ST6GALNAC3: variants seen among roughly 807,000 people sequenced by gnomAD.
The protein encoded by ST6GALNAC3 is alpha-N-acetylgalactosaminide alpha-2,6-sialyltransferase 3.
ST6GALNAC3 carries 25 observed loss-of-function variants against 32.7 expected under a neutral mutation model. The ratio of observed to expected loss-of-function variants is 0.76; its 90% CI spans 0.56 to 1.07. ST6GALNAC3 has a LOEUF of 1.07. ST6GALNAC3 is among the 50% of genes least tolerant of loss of function. The pLI, the probability that ST6GALNAC3 is intolerant of heterozygous loss-of-function variation, is 0.00. For synonymous variants in ST6GALNAC3, 129 were observed against 133.1 expected, an observed-to-expected ratio of 0.97 and a Z score of 0.21; for missense variants, 355 against 382.4, an observed-to-expected ratio of 0.93 and a Z score of 0.60.
In ST6GALNAC3 at chr1:76,095,184, T is replaced by C. The variant is rs923257662; in HGVS notation, c.18+20300T>C. ...ACCTCTTTGGACCTTAGAGACAAAC[T>C]GGGCATAGTAATCATATCTGCTGTA... On this transcript the variant is annotated intron_variant, in intron 1 of 4. Coordinates refer to ENST00000328299, the MANE Select transcript of ST6GALNAC3 (RefSeq NM_152996.4). Among the ~76,000 whole-genome samples, 8 of 152,222 alleles carry C rather than the reference T, an allele frequency of 5.3e-5. No individual in the cohort carries two copies. In the East Asian group the frequency reaches 1.5e-3, roughly 29 times the overall value.
chr1:76,242,683 T>G (rs1657036490), intron 1 of ST6GALNAC3, among the ~76,000 whole-genome samples: 1 of 152,146 alleles, frequency 6.6e-6, no homozygotes, highest in African/African-American at 2.4e-5. Flanking sequence ...TCACTCCCAC[T>G]TATGAGTGAG....
chr1:76,440,489 A>G (rs1308496315), intron 3 of ST6GALNAC3, among the ~76,000 whole-genome samples: 1 of 152,202 alleles, frequency 6.6e-6, no homozygotes, highest in African/African-American at 2.4e-5. Flanking sequence ...AGGATTTGAA[A>G]GCAGAGATTA....
chr1:76,564,702 C>G (rs1361242207), intron 3 of ST6GALNAC3, among the ~76,000 whole-genome samples: 1 of 151,456 alleles, frequency 6.6e-6, no homozygotes, highest in African/African-American at 2.4e-5. Context: ...TCTCCTGCCT[C>G]AGCCTCCCAA....
intron 3 of ST6GALNAC3, among the ~76,000 whole-genome samples, chr1:76,506,715 T>TAGTG (rs1661500162): frequency 6.6e-6 from 1 of 152,194 alleles, no homozygotes; most frequent in African/African-American, 2.4e-5. Context: ...GTGCCTTGGC[T>TAGTG]AGTGAAAAGA....
intron 2 of ST6GALNAC3, among the ~76,000 whole-genome samples, chr1:76,377,347 G>A (rs1651317083): frequency 6.6e-6 from 1 of 152,118 alleles, no homozygotes. Flanking sequence ...GAAGAAAGAA[G>A]GTTTAATTGA....
At chr1:76,226,385 G>A (rs1656072632) in intron 1 of ST6GALNAC3, among the ~76,000 whole-genome samples, 1 of 152,196 alleles carries the variant, frequency 6.6e-6, no homozygotes, top group Non-Finnish European at 1.5e-5. Context: ...TCTAGTTGGA[G>A]TAACCTGTTT....
At chr1:76,159,736 A>G (rs1449419410) in intron 1 of ST6GALNAC3, among the ~76,000 whole-genome samples, 9 of 152,232 alleles carry the variant, frequency 5.9e-5, no homozygotes, top group Admixed American at 5.2e-4. Context: ...ACACAACATA[A>G]TGTCTGAAAG....
At chr1:76,438,702 C>T (rs1656340425) in intron 3 of ST6GALNAC3, among the ~76,000 whole-genome samples, 1 of 152,114 alleles carries the variant, frequency 6.6e-6, no homozygotes, top group South Asian at 2.1e-4. Flanking sequence ...TCCCATCTCA[C>T]CTCCTCAGTA....
chr1:76,187,857 C>T (rs11577339), intron 1 of ST6GALNAC3, among the ~76,000 whole-genome samples: 15,883 of 152,172 alleles, frequency 0.1, 981 homozygotes, highest in Non-Finnish European at 0.14. Flanking sequence ...TCACCATGTC[C>T]GTCCCAGGAT....
At chr1:76,123,901 C>A (rs1404401279) in intron 1 of ST6GALNAC3, among the ~76,000 whole-genome samples, 1 of 151,726 alleles carries the variant, frequency 6.6e-6, no homozygotes, top group Admixed American at 6.6e-5. Context: ...AAGCACATAC[C>A]ATGACGCCTG....
chr1:76,252,136 G>C (rs1557728434), intron 1 of ST6GALNAC3, among the ~76,000 whole-genome samples: 1 of 152,146 alleles, frequency 6.6e-6, no homozygotes, highest in South Asian at 2.1e-4. Flanking sequence ...AATTGCTGAT[G>C]GAGGGCCAGA....
intron 3 of ST6GALNAC3, among the ~76,000 whole-genome samples, chr1:76,499,903 C>T (rs758698056): frequency 6.6e-6 from 1 of 151,918 alleles, no homozygotes. Flanking sequence ...AATAGACAAC[C>T]GACAAAATAA....
intron 1 of ST6GALNAC3, among the ~76,000 whole-genome samples, chr1:76,145,843 G>C (rs184301387): frequency 6.6e-6 from 1 of 152,132 alleles, no homozygotes; most frequent in Non-Finnish European, 1.5e-5. Flanking sequence ...GATCACAAAA[G>C]AAATTTATGT....
chr1:76,513,258 A>T (rs961526748), intron 3 of ST6GALNAC3, among the ~76,000 whole-genome samples: 1 of 152,180 alleles, frequency 6.6e-6, no homozygotes, highest in African/African-American at 2.4e-5. Flanking sequence ...GTAGTTTCAT[A>T]GTTATAGACT....
At chr1:76,408,599 T>C (rs1419808108) in intron 2 of ST6GALNAC3, among the ~76,000 whole-genome samples, 2 of 152,052 alleles carry the variant, frequency 1.3e-5, no homozygotes, top group African/African-American at 2.4e-5. Flanking sequence ...TCTTAATTGA[T>C]CACTTTCAGA....
chr1:76,429,933 G>A (rs1292597974), intron 3 of ST6GALNAC3, among the ~76,000 whole-genome samples: 1 of 152,072 alleles, frequency 6.6e-6, no homozygotes, highest in Non-Finnish European at 1.5e-5. Context: ...CTCTCCCCAA[G>A]AGGACTCATT....
intron 1 of ST6GALNAC3, among the ~76,000 whole-genome samples, chr1:76,277,430 A>C (rs1659192754): frequency 1.3e-5 from 2 of 151,608 alleles, no homozygotes; most frequent in African/African-American, 4.8e-5. Flanking sequence ...GGGAAAAGAT[A>C]AGTGGAAACA....
At chr1:76,152,657 C>T (rs1363961857) in intron 1 of ST6GALNAC3, among the ~76,000 whole-genome samples, 3 of 152,134 alleles carry the variant, frequency 2.0e-5, no homozygotes, top group African/African-American at 7.2e-5. Context: ...TGAAAGGCCC[C>T]CACAGTTTCA....
intron 1 of ST6GALNAC3, among the ~76,000 whole-genome samples, chr1:76,087,181 T>C (rs1340876432): frequency 2.0e-5 from 3 of 152,218 alleles, no homozygotes; most frequent in Non-Finnish European, 4.4e-5. Flanking sequence ...ACTTCTAACT[T>C]GTGGGTAAAT....
Sources: allele counts gnomAD v4.1 joint callset (sites outside exome capture counted in the v4.1 genomes callset), GRCh38; gene constraint gnomAD v4.1.1; transcripts MANE v1.5; gene names NCBI Gene and HGNC (gene_info 2026-07-23, HGNC 2026-07-21).